Variants in ZC3HAV1 observed in about 807,000 individuals in gnomAD.
ZC3HAV1 encodes zinc finger CCCH-type containing, antiviral 1, also known as zinc finger CCCH-type antiviral protein 1.
In ZC3HAV1, 41 loss-of-function variants were observed where a neutral mutation model predicts 86.6. The ratio of observed to expected loss-of-function variants is 0.47; its 90% CI spans 0.37 to 0.61. The LOEUF (loss-of-function observed/expected upper bound fraction) is 0.61, where lower values mean the gene tolerates loss of function less well. ZC3HAV1 is among the 20% of genes least tolerant of loss of function. The pLI, the probability that ZC3HAV1 is intolerant of heterozygous loss-of-function variation, is 0.00. For synonymous variants in ZC3HAV1, 421 were observed against 432.1 expected (o/e 0.97, Z 0.32); for missense variants, 964 against 1,141.1 (o/e 0.84, Z 2.24).
intron 1 of ZC3HAV1, among the ~76,000 whole-genome samples, chr7:139,104,699 G>GGTGACAGAGTAGATCGGAAGAGCGT (rs1817875249): frequency 8.8e-6 from 1 of 113,038 alleles, no homozygotes; most frequent in Non-Finnish European, 1.7e-5. Context: ...CTCCAGCCTG[G>GGTGACAGAGTAGATCGGAAGAGCGT]CAACAGAGCG....
At chr7:139,098,122 G>A (rs1033920838) in intron 1 of ZC3HAV1, among the ~76,000 whole-genome samples, 1 of 151,344 alleles carries the variant, frequency 6.6e-6, no homozygotes, top group African/African-American at 2.4e-5. Context: ...ATTTTTTTTT[G>A]TTTTTTTAGT....
chr7:139,061,188 G>C, intron 8 of ZC3HAV1, 50 bp from the exon 9 acceptor site: 1 of 1,565,394 alleles, frequency 6.4e-7, no homozygotes, highest in South Asian at 1.1e-5. Flanking sequence ...ATCAGCCCTA[G>C]AAAATGACTT....
At chr7:139,103,257 A>AT (rs567390902) in intron 1 of ZC3HAV1, among the ~76,000 whole-genome samples, 1 of 148,198 alleles carries the variant, frequency 6.7e-6, no homozygotes, top group Non-Finnish European at 1.5e-5. Flanking sequence ...CTTGTTTTTT[A>AT]TTTTTTTATT....
At chr7:139,060,665 AC>A (rs746646568) in intron 9 of ZC3HAV1, 26 of 1,035,992 alleles carry the variant, frequency 2.5e-5, no homozygotes, top group Non-Finnish European at 2.8e-5. Context: ...ACAAAGTGAG[AC>A]CCCCTCTAAA....
intron 9 of ZC3HAV1, among the ~76,000 whole-genome samples, chr7:139,058,758 C>T (rs1584841657): frequency 1.3e-5 from 2 of 152,156 alleles, no homozygotes; most frequent in East Asian, 1.9e-4. Context: ...TGGAAAAGCA[C>T]GAAGCAACTC....
At chr7:139,054,563 G>A (rs539110439) in intron 10 of ZC3HAV1, among the ~76,000 whole-genome samples, 2 of 152,324 alleles carry the variant, frequency 1.3e-5, no homozygotes, top group African/African-American at 4.8e-5. Flanking sequence ...TAACGGACAA[G>A]TCACTTTTAC....
intron 1 of ZC3HAV1, among the ~76,000 whole-genome samples, chr7:139,107,836 G>T (rs776757207): frequency 6.6e-6 from 1 of 152,168 alleles, no homozygotes. Context: ...GTTTAAGAAT[G>T]GGCCAAGTGT....
At chr7:139,064,397 G>A (rs1816537781) in intron 8 of ZC3HAV1, among the ~76,000 whole-genome samples, 1 of 152,224 alleles carries the variant, frequency 6.6e-6, no homozygotes, top group South Asian at 2.1e-4. Flanking sequence ...AATAAACACG[G>A]TGGAAGGCAA....
At chr7:139,080,299 A>C (rs1229016260) in intron 3 of ZC3HAV1, 56 bp from the exon 4 acceptor site, 11 of 1,599,818 alleles carry the variant, frequency 6.9e-6, no homozygotes, top group Non-Finnish European at 9.4e-6. Flanking sequence ...AGTTAATGTG[A>C]CTGAGTTCCT....
intron 1 of ZC3HAV1, among the ~76,000 whole-genome samples, chr7:139,101,495 A>AGTGG (rs1817768302): frequency 9.9e-6 from 1 of 100,504 alleles, no homozygotes; most frequent in Non-Finnish European, 2.0e-5. Context: ...CCCGGCCACC[A>AGTGG]CCCCGTCTGG....
chr7:139,069,650 C>T (rs1018717022), intron 7 of ZC3HAV1, among the ~76,000 whole-genome samples: 8 of 152,152 alleles, frequency 5.3e-5, no homozygotes, highest in African/African-American at 1.9e-4. Context: ...ACACCCTCTC[C>T]CTGCCCACCA....
chr7:139,066,517 G>C (rs923624475), intron 7 of ZC3HAV1, among the ~76,000 whole-genome samples: 6 of 152,182 alleles, frequency 3.9e-5, no homozygotes, highest in African/African-American at 1.4e-4. Context: ...GAAGGGACAA[G>C]GACGCTGACT....
chr7:139,063,709 G>A (rs905802749), intron 8 of ZC3HAV1, among the ~76,000 whole-genome samples: 35 of 143,616 alleles, frequency 2.4e-4, no homozygotes, highest in African/African-American at 7.4e-4. Flanking sequence ...GAGTGATGGC[G>A]TGGGACCCTG....
At chr7:139,060,215 T>C (rs1479507701) in intron 9 of ZC3HAV1, 1 of 983,488 alleles carries the variant, frequency 1.0e-6, no homozygotes, top group African/African-American at 1.7e-5. Context: ...TCCTTTTTCA[T>C]CAAATAGCTT....
At chr7:139,097,428 A>ATTTTTTTTTTTTTTTTTTTTTTT (rs11291842) in intron 1 of ZC3HAV1, among the ~76,000 whole-genome samples, 2 of 48,160 alleles carry the variant, frequency 4.2e-5, no homozygotes, top group Non-Finnish European at 6.6e-5. Flanking sequence ...ATATATATAT[A>ATTTTTTTTTTTTTTTTTTTTTTT]TTTTTTTTTT....
At chr7:139,048,826 T>G (rs952786215) in intron 12 of ZC3HAV1, among the ~76,000 whole-genome samples, 5 of 152,134 alleles carry the variant, frequency 3.3e-5, no homozygotes, top group African/African-American at 4.8e-5. Flanking sequence ...CCTGAATAGG[T>G]CAGATACTAG....
At chr7:139,066,125 A>C (rs902476909) in intron 7 of ZC3HAV1, among the ~76,000 whole-genome samples, 2 of 152,182 alleles carry the variant, frequency 1.3e-5, no homozygotes, top group Non-Finnish European at 2.9e-5. Context: ...CGCCCCTAGC[A>C]GCAGGGGTTC....
In ZC3HAV1 at chr7:139,061,226, C is replaced by T. The variant is rs1050495493; in HGVS notation, c.1994-88G>A. 33 of 1,288,396 alleles carry T rather than the reference C, an allele frequency of 2.6e-5. No individual in the cohort carries two copies. In the Middle Eastern group the frequency reaches 7.6e-4, roughly 30 times the overall value. 79.8% of individuals were successfully genotyped at this position (1,288,396 alleles called of 1,614,324 possible). ...TGTTATTTTGCAGAGGCTATTTACA[C>T]GGCAAATATTCAAGACTGACCTGTA... On this transcript the variant is annotated intron_variant, in intron 8 of 12. Coordinates refer to ENST00000242351, the MANE Select transcript of ZC3HAV1 (RefSeq NM_020119.4).
intron 9 of ZC3HAV1, chr7:139,060,719 G>T: frequency 1.8e-6 from 2 of 1,140,916 alleles, no homozygotes; most frequent in Non-Finnish European, 2.2e-6. Context: ...CAAAAACCCA[G>T]TATATATGAT....
Sources: allele counts gnomAD v4.1 joint callset (sites outside exome capture counted in the v4.1 genomes callset), GRCh38; gene constraint gnomAD v4.1.1; transcripts MANE v1.5; gene names NCBI Gene and HGNC (gene_info 2026-07-23, HGNC 2026-07-21).